The following FBXL17 variants were observed in gnomAD, a reference collection of about 807,000 sequenced individuals.
FBXL17 encodes the protein F-box and leucine rich repeat protein 17.
A neutral mutation model predicts 66.2 loss-of-function variants in FBXL17; 22 were observed. The ratio of observed to expected loss-of-function variants is 0.33; its 90% CI spans 0.24 to 0.47. The LOEUF (loss-of-function observed/expected upper bound fraction) is 0.47. Among genes scored for constraint, FBXL17 ranks in the 20% least tolerant of loss-of-function variants. The pLI, the probability that FBXL17 is intolerant of heterozygous loss-of-function variation, is 1.00. For missense variants in FBXL17, 878 were observed against 948.2 expected (o/e 0.93, Z 0.97); for synonymous variants, 474 against 400.5 (o/e 1.18, Z -2.19).
intron 7 of FBXL17, among the ~76,000 whole-genome samples, chr5:107,972,797 T>C (rs1413696105): frequency 6.6e-6 from 1 of 152,190 alleles, no homozygotes; most frequent in Non-Finnish European, 1.5e-5. Context: ...TTTACAGACC[T>C]TTCCCAATTT....
intron 3 of FBXL17, among the ~76,000 whole-genome samples, chr5:108,363,358 T>C (rs1748462957): frequency 1.3e-5 from 2 of 151,920 alleles, no homozygotes; most frequent in African/African-American, 2.4e-5. Context: ...TACCCAGCTA[T>C]AGCGGTCTTA....
chr5:107,994,545 C>A (rs10077141), intron 7 of FBXL17, among the ~76,000 whole-genome samples: 97,345 of 152,028 alleles, frequency 0.64, 32,151 homozygotes, highest in African/African-American at 0.82. Context: ...AACATACTAT[C>A]AAACCTATAC....
At chr5:108,094,276 T>C (rs1749291575) in intron 6 of FBXL17, among the ~76,000 whole-genome samples, 1 of 152,114 alleles carries the variant, frequency 6.6e-6, no homozygotes, top group Non-Finnish European at 1.5e-5. Flanking sequence ...TCTGCACAAA[T>C]TATGAAATCA....
At position 107,859,390 on chromosome 5, in the gene FBXL17, G is replaced by GCTTT. The variant is rs1264472450; in HGVS notation, c.*2329_*2330insAAAG. ...CTCAAGGTGATGCTTTTTTCTGGCT[G>GCTTT]TTTTTTTTTTTTTTTTTTTTTTTTT... On this transcript the variant is annotated 3_prime_UTR_variant, in exon 9 of 9. Coordinates refer to ENST00000542267, the MANE Select transcript of FBXL17 (RefSeq NM_001163315.3). The GCTTT allele has an allele frequency of 6.6e-5, 4 of 60,178 alleles. No individual in the cohort carries two copies. Among genetic ancestry groups the GCTTT allele is most frequent in the Non-Finnish European group, 1.1e-4 (4 of 35,002 alleles). The allele number at this position is 60,178 out of a possible 1,614,324, so 3.7% of individuals were successfully genotyped here. A position where few individuals can be genotyped will look rare whatever the true frequency, so the allele number is the denominator to read the frequency against.
intron 6 of FBXL17, among the ~76,000 whole-genome samples, chr5:108,069,683 T>C (rs1407493296): frequency 6.6e-6 from 1 of 152,204 alleles, no homozygotes; most frequent in Non-Finnish European, 1.5e-5. Context: ...ATAGCCTGGT[T>C]ACAGTTGGTG....
At chr5:108,223,809 T>G (rs1754976235) in intron 5 of FBXL17, among the ~76,000 whole-genome samples, 1 of 65,304 alleles carries the variant, frequency 1.5e-5, no homozygotes. Context: ...ATATGAGCAC[T>G]TAAAATTCAA....
At chr5:108,001,211 C>T (rs772769667) in intron 7 of FBXL17, among the ~76,000 whole-genome samples, 20 of 152,036 alleles carry the variant, frequency 1.3e-4, no homozygotes, top group Admixed American at 2.6e-4. Context: ...ATGTAAAACA[C>T]CTTCAACTAC....
rs141196126 is a variant in FBXL17 at position 107,915,161 on chromosome 5, G to A, written c.1823-33982C>T. ...ATCTCTTCATTATTTTTGGCACCCC[G>A]TAAAATTTATTCCATATGGAATCTG... On this transcript the variant is annotated intron_variant, in intron 7 of 8. Transcript: ENST00000542267. Among the ~76,000 whole-genome samples the A allele has an allele frequency of 5.5e-3, 834 of 152,090 alleles. 6 individuals are homozygous for A. Among genetic ancestry groups the A allele is most frequent in the African/African-American group, 0.019 (800 of 41,456 alleles).
intron 6 of FBXL17, among the ~76,000 whole-genome samples, chr5:108,062,243 A>C (rs1333504099): frequency 6.6e-6 from 1 of 152,066 alleles, no homozygotes; most frequent in Non-Finnish European, 1.5e-5. Flanking sequence ...TGAATAAAAA[A>C]TGACCTTTTC....
intron 5 of FBXL17, among the ~76,000 whole-genome samples, chr5:108,213,689 C>A (rs1754474944): frequency 6.6e-6 from 1 of 152,172 alleles, no homozygotes; most frequent in South Asian, 2.1e-4. Flanking sequence ...CCTGCCTTCT[C>A]TATCATTTTC....
intron 6 of FBXL17, among the ~76,000 whole-genome samples, chr5:108,037,340 C>T (rs918903845): frequency 6.6e-6 from 1 of 152,024 alleles, no homozygotes; most frequent in Non-Finnish European, 1.5e-5. Flanking sequence ...ATGAAAATTT[C>T]CACTGTAAGA....
chr5:108,238,682 C>CT (rs1022035229), intron 4 of FBXL17, among the ~76,000 whole-genome samples: 84 of 151,774 alleles, frequency 5.5e-4, no homozygotes, highest in South Asian at 4.8e-3. Context: ...GGCTAATATT[C>CT]TTTTTTTTGC....
At chr5:108,318,771 T>C (rs1458523406) in intron 4 of FBXL17, among the ~76,000 whole-genome samples, 1 of 151,946 alleles carries the variant, frequency 6.6e-6, no homozygotes, top group Admixed American at 6.6e-5. Flanking sequence ...AAATGTTTAA[T>C]ATTTCCATCT....
At chr5:108,019,248 A>C (rs185094120) in intron 7 of FBXL17, among the ~76,000 whole-genome samples, 3 of 152,270 alleles carry the variant, frequency 2.0e-5, no homozygotes, top group Admixed American at 6.5e-5. Flanking sequence ...GAACTTCCCT[A>C]AGGTCAAAGA....
rs150675166 is a variant in FBXL17 at position 107,959,588 on chromosome 5, AACC to A, written c.1822+61334_1822+61336del. Reference sequence around the variant, plus strand: ...ATGGTCACACTGTGAAAAGCATGCTAACCACCACATCTTGTTTATATTTTAATA... The same window carrying A: ...ATGGTCACACTGTGAAAAGCATGCTAACCACATCTTGTTTATATTTTAATA... On this transcript the variant is annotated intron_variant, in intron 7 of 8. Transcript: ENST00000542267. Among the ~76,000 whole-genome samples, 18 of 152,266 alleles carry A rather than the reference AACC, an allele frequency of 1.2e-4. No individual in the cohort carries two copies. The East Asian group carries it at 3.5e-3, about 29-fold the overall frequency.
intron 6 of FBXL17, among the ~76,000 whole-genome samples, chr5:108,089,064 T>C (rs1431234153): frequency 2.6e-5 from 4 of 152,200 alleles, no homozygotes; most frequent in Middle Eastern, 3.2e-3. Flanking sequence ...TTTCCTTCAC[T>C]GTCTCCCCAT....
At chr5:108,026,720 A>G (rs1754841324) in intron 6 of FBXL17, among the ~76,000 whole-genome samples, 1 of 152,218 alleles carries the variant, frequency 6.6e-6, no homozygotes, top group Non-Finnish European at 1.5e-5. Flanking sequence ...GAAAGCCAAT[A>G]TCTGATTAGT....
Position 108,364,915 on chromosome 5 carries a change from C to A in FBXL17, c.1197G>T (p.Met399Ile), listed in dbSNP as rs1748562842. The A allele has an allele frequency of 1.2e-6, 2 of 1,612,606 alleles. No individual in the cohort carries two copies. Among genetic ancestry groups the A allele is most frequent in the East Asian group, 4.5e-5 (2 of 44,852 alleles). Residue 399 changes from methionine (M) to isoleucine (I), a missense_variant, in exon 3 of 9, where the codon ATG (methionine) becomes ATT (isoleucine). This residue lies in a region of FBXL17 where 236 missense variants were observed against 389.1 expected (regional missense o/e 0.61). Coordinates refer to ENST00000542267, the MANE Select transcript of FBXL17 (RefSeq NM_001163315.3). ...CTAAAACACATACGCCATTATCAGA[C>A]ATACTGCGACAATCAGAAATGTTGA... Reference protein sequence around the residue: ...IEINISDCRSMSDNGVCVLAF... With the variant: ...IEINISDCRSISDNGVCVLAF...
intron 5 of FBXL17, among the ~76,000 whole-genome samples, chr5:108,203,124 T>A (rs2966828): frequency 1.3e-5 from 2 of 151,962 alleles, no homozygotes; most frequent in African/African-American, 4.8e-5. Flanking sequence ...AACATAAGTA[T>A]GTCAGGACTA....
Sources: gnomAD v4.1 joint callset for allele counts (sites outside exome capture counted in the v4.1 genomes callset) on GRCh38, gnomAD v4.1.1 for gene constraint, gnomAD v4.1.1 regional missense constraint, MANE v1.5 for transcripts, NCBI Gene and HGNC (gene_info 2026-07-23, HGNC 2026-07-21) for gene names.